Variants in VWA5B2 observed in about 807,000 individuals in gnomAD.
VWA5B2 encodes von Willebrand factor A domain-containing protein 5B2.
A neutral mutation model predicts 118.5 loss-of-function variants in VWA5B2; 93 were observed. The observed-to-expected ratio is 0.79, with a 90% CI of 0.66 to 0.93. The LOEUF (loss-of-function observed/expected upper bound fraction) is 0.93, where lower values mean the gene tolerates loss of function less well. VWA5B2 is among the 40% of genes least tolerant of loss of function. The pLI is 0.00. For synonymous variants in VWA5B2, 708 were observed against 716.3 expected, an observed-to-expected ratio of 0.99 and a Z score of 0.19; for missense variants, 1,546 against 1,672.8, an observed-to-expected ratio of 0.92 and a Z score of 1.32.
Position 184,238,231 on chromosome 3 carries a change from C to T in VWA5B2, c.1720-72C>T. 7.7e-7 allele frequency: 1 copy of T among 1,304,978 alleles called. No homozygotes were observed. The allele number at this position is 1,304,978 out of a possible 1,614,324, so 80.8% of individuals were successfully genotyped here. A position where few individuals can be genotyped will look rare whatever the true frequency, so the allele number is the denominator to read the frequency against. ...TAGCTTTGTTGCCTCTTGCTGTGAG[C>T]CATCTAAAAATGTTTGGAAAGAGGT... On this transcript the variant is annotated intron_variant, in intron 12 of 19. Coordinates refer to ENST00000691901, the MANE Select transcript of VWA5B2 (RefSeq NM_001390846.1). This position sits in a 1 kb window ranked among gnomAD's most constrained non-coding sequence, Gnocchi z 5.0.
chr3:184,230,961 C>T, intron 3 of VWA5B2, 44 bp downstream of exon 3: 1 of 1,207,896 alleles, frequency 8.3e-7, no homozygotes. Flanking sequence ...AAGCCGGGCG[C>T]AGCTCAGGCT....
In VWA5B2 at chr3:184,237,121, T is replaced by G; in HGVS notation, c.1534-105T>G. ...AGCCTGGCCCTGTGCCCCATCAGCTTAGGGGCTGGGCAGATGGCATCAGGG... is the reference window on the plus strand; with the variant it reads ...AGCCTGGCCCTGTGCCCCATCAGCTGAGGGGCTGGGCAGATGGCATCAGGG... On this transcript the variant is annotated intron_variant, in intron 11 of 19. Transcript: ENST00000691901. The surrounding 1 kb of genome is among the most constrained non-coding windows in gnomAD (Gnocchi z 5.6). The G allele has an allele frequency of 7.7e-7, 1 of 1,299,064 alleles. No homozygotes were observed. Among genetic ancestry groups the G allele is most frequent in the Non-Finnish European group, 1.1e-6 (1 of 947,604 alleles). 80.5% of individuals were successfully genotyped at this position (1,299,064 alleles called of 1,614,324 possible). A position where few individuals can be genotyped will look rare whatever the true frequency, so the allele number is the denominator to read the frequency against.
At chr3:184,235,786 A>G (rs1717909763) in intron 8 of VWA5B2, among the ~76,000 whole-genome samples, 1 of 150,868 alleles carries the variant, frequency 6.6e-6, no homozygotes, top group Non-Finnish European at 1.5e-5. Flanking sequence ...ACACCTCCAG[A>G]GTCCCACACA....
Position 184,236,382 on chromosome 3 carries a change from C to T in VWA5B2, c.1252C>T (p.Gln418Ter). ...GATCTGCGAGAGCATTGAGACCCTG[C>T]AGGTTCCGAGTGGGCCCCCAGACGT... is the stretch of plus-strand genomic sequence containing the variant. The part of the protein sequence containing the change: ...QLICESIETL[Q>*]VPSGPPDVLA... Residue 418 changes from glutamine (Q) to a stop codon, truncating the protein, a stop_gained, in exon 10 of 20, where the codon CAG (glutamine) becomes TAG (stop). Transcript: ENST00000691901. LOFTEE classifies it high-confidence loss of function. 6.5e-7 allele frequency: 1 copy of T among 1,546,520 alleles called. No homozygotes were observed.
In VWA5B2 at chr3:184,233,651, C is replaced by T. The variant is rs148678125; in HGVS notation, c.606C>T (p.Asp202=). 1,185 of 1,551,300 alleles carry T rather than the reference C, an allele frequency of 7.6e-4. 6 individuals carry two copies. In the African/African-American group the frequency reaches 0.014, roughly 18 times the overall value. The change falls in exon 5 of 20, where the codon GAC becomes GAT. Residue 202 remains aspartate, a synonymous_variant. Transcript: ENST00000691901. This position sits in a 1 kb window ranked among gnomAD's most constrained non-coding sequence, Gnocchi z 5.2. The stretch of plus-strand genomic sequence containing the variant: ...GGGAGGAGCTGGCTGCCCCTCGGGA[C>T]GTGTTCTCAGGCCCTGCCCGCTGCC... ...LAWEELAAPR[D]VFSGPARCPA...
At chr3:184,230,040 C>T (rs1052634990) in intron 1 of VWA5B2, among the ~76,000 whole-genome samples, 4 of 152,218 alleles carry the variant, frequency 2.6e-5, no homozygotes, top group African/African-American at 9.6e-5. Context: ...CCCCCGCGAT[C>T]CCTCGCAGGG....
Position 184,237,390 on chromosome 3 carries a change from C to T in VWA5B2, c.1698C>T (p.Gly566=), listed in dbSNP as rs992402743. 17 of 1,549,836 alleles carry T rather than the reference C, an allele frequency of 1.1e-5. No individual in the cohort carries two copies. The highest frequency in any genetic ancestry group is 1.5e-5 in the Non-Finnish European group (17 of 1,145,956). ...ACTGCTCACTCTTCAGGGTGGATGG[C>T]TTCCGGTCCCGCCCACCAGGGGTAA... ...LGYCSLFRVD[G]FRSRPPGGQE... is the part of the protein sequence containing the mutation. Residue 566 remains glycine, a synonymous_variant, in exon 12 of 20, where the codon GGC becomes GGT. Transcript: ENST00000691901. The surrounding 1 kb of genome is among the most constrained non-coding windows in gnomAD (Gnocchi z 5.6).
At chr3:184,240,200 AAAAAT>A (rs1450609100) in intron 16 of VWA5B2, among the ~76,000 whole-genome samples, 164 bp downstream of exon 16, 1 of 152,196 alleles carries the variant, frequency 6.6e-6, no homozygotes, top group Admixed American at 6.5e-5. Flanking sequence ...GGGAAAAAGT[AAAAAT>A]AAAAGGAAAC....
At chr3:184,230,967 A>T in intron 3 of VWA5B2, 50 bp downstream of exon 3, 1 of 1,206,510 alleles carries the variant, frequency 8.3e-7, no homozygotes, top group Non-Finnish European at 1.0e-6. Context: ...GGCGCAGCTC[A>T]GGCTCCCGCA....
In VWA5B2 at chr3:184,241,667, G is replaced by A; in HGVS notation, c.3358G>A (p.Asp1120Asn). 1 of 1,532,664 alleles carries A rather than the reference G, an allele frequency of 6.5e-7. No homozygotes were observed. Among genetic ancestry groups the A allele is most frequent in the South Asian group, 1.2e-5 (1 of 83,742 alleles). 94.9% of individuals were successfully genotyped at this position (1,532,664 alleles called of 1,614,324 possible). The change falls in exon 20 of 20, where the codon GAC becomes AAC. Residue 1120 changes from aspartate to asparagine, a missense_variant. Coordinates refer to ENST00000691901, the MANE Select transcript of VWA5B2 (RefSeq NM_001390846.1). This position sits in a 1 kb window ranked among gnomAD's most constrained non-coding sequence, Gnocchi z 5.1. ...ALLGPGVGQGDSATASCSPSP... is the reference protein window; with the variant it reads ...ALLGPGVGQGNSATASCSPSP... ...TCTGGGCCCTGGTGTTGGCCAGGGTGACAGTGCCACGGCCTCCTGCAGCCC... is the reference window on the plus strand; with the variant it reads ...TCTGGGCCCTGGTGTTGGCCAGGGTAACAGTGCCACGGCCTCCTGCAGCCC...
In VWA5B2 at chr3:184,241,951, C is replaced by A; in HGVS notation, c.3642C>A (p.Ala1214=). The change falls in exon 20 of 20, where the codon GCC becomes GCA. Residue 1214 remains alanine (A), a synonymous_variant. Transcript: ENST00000691901. This position sits in a 1 kb window ranked among gnomAD's most constrained non-coding sequence, Gnocchi z 5.1. ...PDGLDLAALK[A]AARGLFLLLR... is the part of the protein sequence containing the mutation. ...GCCTTGACCTGGCCGCCCTCAAGGC[C>A]GCAGCCCGAGGGCTCTTCCTGCTAC... 1 of 1,549,634 alleles carries A rather than the reference C, an allele frequency of 6.5e-7. No homozygotes were observed. Among genetic ancestry groups the A allele is most frequent in the South Asian group, 1.2e-5 (1 of 84,040 alleles).
In VWA5B2 at chr3:184,238,019, TA is replaced by T. The variant is rs1452098699; in HGVS notation, c.1720-283del. Reference sequence around the variant, plus strand: ...TTTTTAATGAAAAGCTTTATCTCTTTAGAAGAACTCTGCACGCTTCCTCCTT... The same window carrying T: ...TTTTTAATGAAAAGCTTTATCTCTTTGAAGAACTCTGCACGCTTCCTCCTT... On this transcript the variant is annotated intron_variant, in intron 12 of 19. Transcript: ENST00000691901. The surrounding 1 kb of genome is among the most constrained non-coding windows in gnomAD (Gnocchi z 5.0). Among the ~76,000 whole-genome samples, 1 of 152,134 alleles carries T rather than the reference TA, an allele frequency of 6.6e-6. No individual in the cohort carries two copies. The highest frequency in any genetic ancestry group is 1.5e-5 in the Non-Finnish European group (1 of 68,022).
rs1448641150 is a variant in VWA5B2, at chr3:184,241,283, C to G, written c.3059C>G (p.Pro1020Arg). Residue 1020 changes from proline (P) to arginine (R), a missense_variant, in exon 19 of 20, where the codon CCT becomes CGT. This residue lies in a region of VWA5B2 where 763 missense variants were observed against 766.6 expected (regional missense o/e 1.00). Coordinates refer to ENST00000691901, the MANE Select transcript of VWA5B2 (RefSeq NM_001390846.1). The surrounding 1 kb of genome is among the most constrained non-coding windows in gnomAD (Gnocchi z 5.1). ...LGDPATPTEG[P>R]RRPPPRPPCR... Reference sequence around the variant, plus strand: ...GACCCTGCCACTCCCACGGAAGGTCCTCGCCGCCCACCTCCCCGTCCTCCC... The same window carrying G: ...GACCCTGCCACTCCCACGGAAGGTCGTCGCCGCCCACCTCCCCGTCCTCCC... 1.3e-6 allele frequency: 2 copies of G among 1,551,274 alleles called. No individual in the cohort carries two copies. Among genetic ancestry groups the G allele is most frequent in the Non-Finnish European group, 1.7e-6 (2 of 1,147,002 alleles).
rs763941081 is a variant in VWA5B2 at position 184,241,125 on chromosome 3, G to C, written c.2962+18G>C. ...CTCTAAAGGTAACACCCAAAGGTAG[G>C]GAAAGGGTAGGGGCACTTGGGCTTA... On this transcript the variant is annotated intron_variant, in intron 18 of 19. Transcript: ENST00000691901. The surrounding 1 kb of genome is among the most constrained non-coding windows in gnomAD (Gnocchi z 5.1). 78 of 1,551,610 alleles carry C rather than the reference G, an allele frequency of 5.0e-5. No homozygotes were observed. Among genetic ancestry groups the C allele is most frequent in the Middle Eastern group, 3.3e-4 (2 of 6,014 alleles).
chr3:184,234,496 G>A (rs1028455111), intron 6 of VWA5B2, 99 bp downstream of exon 6: 1 of 1,530,704 alleles, frequency 6.5e-7, no homozygotes, highest in African/African-American at 1.4e-5. Context: ...CAGCCAGATG[G>A]ACTGAGTCAT....
chr3:184,240,182 G>A (rs1186745914), intron 16 of VWA5B2, 146 bp downstream of exon 16: 14 of 650,770 alleles, frequency 2.2e-5, no homozygotes, highest in East Asian at 2.9e-5. Context: ...AAAATTAAGC[G>A]GGACAATGGG....
Position 184,241,297 on chromosome 3 carries a change from C to T in VWA5B2, c.3073C>T (p.Pro1025Ser). Residue 1025 changes from proline to serine, a missense_variant, in exon 19 of 20, where the codon CCC becomes TCC. By Grantham distance (74) the Pro-to-Ser change is moderately conservative. This residue lies in a region of VWA5B2 where 763 missense variants were observed against 766.6 expected (regional missense o/e 1.00). Transcript: ENST00000691901. This position sits in a 1 kb window ranked among gnomAD's most constrained non-coding sequence, Gnocchi z 5.1. ...CACGGAAGGTCCTCGCCGCCCACCT[C>T]CCCGTCCTCCCTGTCGGCTCAGCAT... ...TPTEGPRRPP[P>S]RPPCRLSMGR... 1.3e-6 allele frequency: 2 copies of T among 1,551,334 alleles called. No homozygotes were observed. Among genetic ancestry groups the T allele is most frequent in the Non-Finnish European group, 1.7e-6 (2 of 1,146,996 alleles).
At chr3:184,230,700 G>C (rs1717295661) in intron 2 of VWA5B2, 33 bp downstream of exon 2, 1 of 1,227,084 alleles carries the variant, frequency 8.1e-7, no homozygotes, top group Non-Finnish European at 1.0e-6. Context: ...GCGCGGCGGG[G>C]GGTGCGCCGG....
chr3:184,241,937 G>A lies in VWA5B2; in HGVS notation c.3628G>A (p.Ala1210Thr). 2.6e-6 allele frequency: 4 copies of A among 1,548,744 alleles called. No homozygotes were observed. The highest frequency in any genetic ancestry group is 3.5e-6 in the Non-Finnish European group (4 of 1,146,630). Residue 1210 changes from alanine (A) to threonine (T), a missense_variant, in exon 20 of 20, where the codon GCC (alanine) becomes ACC (threonine). Coordinates refer to ENST00000691901, the MANE Select transcript of VWA5B2 (RefSeq NM_001390846.1). This position sits in a 1 kb window ranked among gnomAD's most constrained non-coding sequence, Gnocchi z 5.1. ...GCACTTGCCTGACGGCCTTGACCTG[G>A]CCGCCCTCAAGGCCGCAGCCCGAGG... is the stretch of plus-strand genomic sequence containing the variant. ...AQHLPDGLDL[A>T]ALKAAARGLF...
Sources: allele counts gnomAD v4.1 joint callset (sites outside exome capture counted in the v4.1 genomes callset), GRCh38; gene constraint gnomAD v4.1.1; regional missense constraint gnomAD v4.1.1; non-coding constraint Gnocchi (gnomAD v3.1); transcripts MANE v1.5; gene names NCBI Gene and HGNC (gene_info 2026-07-23, HGNC 2026-07-21).